UBE2H: variants seen among roughly 807,000 people sequenced by gnomAD.
The protein encoded by UBE2H is ubiquitin conjugating enzyme E2 H.
A neutral mutation model predicts 29.0 loss-of-function variants in UBE2H; 3 were observed. The observed-to-expected ratio is 0.10, with a 90% confidence interval of 0.05 to 0.27. UBE2H has a LOEUF of 0.27. UBE2H is among the 10% of genes least tolerant of loss of function. The pLI is 1.00. For missense variants in UBE2H, 68 were observed against 228.2 expected, an observed-to-expected ratio of 0.30 and a Z score of 4.52; for synonymous variants, 69 against 82.9, an observed-to-expected ratio of 0.83 and a Z score of 0.91.
intron 5 of UBE2H, among the ~76,000 whole-genome samples, chr7:129,854,293 A>G (rs1032158914): frequency 3.3e-5 from 5 of 152,218 alleles, no homozygotes; most frequent in Non-Finnish European, 7.4e-5. Context: ...ATATTCTACC[A>G]GTACTTTATA....
chr7:129,948,757 G>A (rs1807814719), intron 1 of UBE2H, among the ~76,000 whole-genome samples: 1 of 152,122 alleles, frequency 6.6e-6, no homozygotes, highest in African/African-American at 2.4e-5. Flanking sequence ...TTGTACATAT[G>A]GTGTATGCCG....
intron 1 of UBE2H, among the ~76,000 whole-genome samples, chr7:129,952,106 G>A (rs779041133): frequency 1.3e-5 from 2 of 152,066 alleles, no homozygotes; most frequent in Admixed American, 6.5e-5. Context: ...CTTCCCTCTC[G>A]GGAATTTCTG....
chr7:129,880,735 T>C (rs911194100), intron 2 of UBE2H, 160 bp downstream of exon 2: 10 of 631,838 alleles, frequency 1.6e-5, no homozygotes, highest in Non-Finnish European at 2.4e-5. Flanking sequence ...TGACTGTATA[T>C]AAAGTGATTG....
chr7:129,941,925 T>G (rs1342558761), intron 1 of UBE2H, among the ~76,000 whole-genome samples: 2 of 150,830 alleles, frequency 1.3e-5, no homozygotes, highest in Admixed American at 6.7e-5. Context: ...AAAAATTAAC[T>G]TAAGGCCAGG....
chr7:129,836,654 T>C (rs35268874), intron 6 of UBE2H, among the ~76,000 whole-genome samples: 17 of 151,288 alleles, frequency 1.1e-4, no homozygotes, highest in East Asian at 9.7e-4. Flanking sequence ...CCAAGGCGGG[T>C]ATATCACCTG....
At chr7:129,887,341 T>C (rs1040590910) in intron 1 of UBE2H, among the ~76,000 whole-genome samples, 9 of 151,050 alleles carry the variant, frequency 6.0e-5, no homozygotes, top group African/African-American at 1.7e-4. Context: ...CCTGCCTCAG[T>C]CTCCCGAGTA....
intron 1 of UBE2H, among the ~76,000 whole-genome samples, chr7:129,928,455 T>C (rs1481123011): frequency 2.0e-5 from 3 of 151,942 alleles, no homozygotes; most frequent in Admixed American, 2.0e-4. Flanking sequence ...ATACAAAAAT[T>C]AGCCGGGTGT....
intron 1 of UBE2H, among the ~76,000 whole-genome samples, chr7:129,928,271 T>G (rs1232003802): frequency 6.6e-6 from 1 of 150,642 alleles, no homozygotes; most frequent in African/African-American, 2.4e-5. Context: ...ACAGAGCAAG[T>G]CTCTGTCTCA....
chr7:129,951,340 TG>T, intron 1 of UBE2H: 1 of 151,858 alleles, frequency 6.6e-6, no homozygotes, highest in Non-Finnish European at 1.5e-5. Flanking sequence ...GGGGAAACGG[TG>T]GGGGGATGGG....
intron 6 of UBE2H, 77 bp from the exon 7 acceptor site, chr7:129,835,138 A>T: frequency 1.3e-6 from 2 of 1,599,014 alleles, no homozygotes; most frequent in South Asian, 2.2e-5. Flanking sequence ...AAAGCTGGCA[A>T]GGCTGCGGAG....
At chr7:129,915,265 G>A (rs117399535) in intron 1 of UBE2H, among the ~76,000 whole-genome samples, 9,391 of 152,162 alleles carry the variant, frequency 0.062, 361 homozygotes, top group Non-Finnish European at 0.091. Context: ...AGCCGGGCGC[G>A]GTGTCTCACA....
At chr7:129,910,547 A>G (rs1354030501) in intron 1 of UBE2H, among the ~76,000 whole-genome samples, 1 of 152,170 alleles carries the variant, frequency 6.6e-6, no homozygotes, top group Non-Finnish European at 1.5e-5. Flanking sequence ...GCTTTAAACC[A>G]TGGGTGCTAA....
In UBE2H at chr7:129,943,256, C is replaced by T. The variant is rs541507638; in HGVS notation, c.53+9247G>A. Among the ~76,000 whole-genome samples the T allele has an allele frequency of 3.3e-5, 5 of 152,254 alleles. No homozygotes were observed. The South Asian group carries it at 1.0e-3, about 32-fold the overall frequency. Reference sequence around the variant, plus strand: ...TGATCTTAACTCACCACAACCTCTGCCTCCTGGGCTTAAGTGATCCTTCTG... The same window carrying T: ...TGATCTTAACTCACCACAACCTCTGTCTCCTGGGCTTAAGTGATCCTTCTG... On this transcript the variant is annotated intron_variant, in intron 1 of 6. Coordinates refer to ENST00000355621, the MANE Select transcript of UBE2H (RefSeq NM_003344.4).
intron 1 of UBE2H, among the ~76,000 whole-genome samples, chr7:129,891,034 G>A (rs1482961279): frequency 6.6e-6 from 1 of 151,772 alleles, no homozygotes; most frequent in Non-Finnish European, 1.5e-5. Context: ...TACTTGGGAG[G>A]CTGAGGCAGG....
At chr7:129,901,602 G>C (rs1304872453) in intron 1 of UBE2H, among the ~76,000 whole-genome samples, 1 of 152,074 alleles carries the variant, frequency 6.6e-6, no homozygotes, top group Non-Finnish European at 1.5e-5. Flanking sequence ...CAATCTAGTA[G>C]ATGATGACAC....
chr7:129,854,183 C>A (rs139800298), intron 5 of UBE2H, among the ~76,000 whole-genome samples: 1 of 149,686 alleles, frequency 6.7e-6, no homozygotes, highest in Non-Finnish European at 1.5e-5. Context: ...TATGAACTAA[C>A]CTTCAATGCC....
intron 1 of UBE2H, among the ~76,000 whole-genome samples, chr7:129,895,252 G>C (rs1459471841): frequency 6.6e-6 from 1 of 152,096 alleles, no homozygotes; most frequent in Non-Finnish European, 1.5e-5. Flanking sequence ...CCTGTCACAT[G>C]GGGGCTATGG....
At chr7:129,857,479 A>T in intron 5 of UBE2H, 32 bp downstream of exon 5, 1 of 1,598,086 alleles carries the variant, frequency 6.3e-7, no homozygotes, top group South Asian at 1.1e-5. Context: ...ATGTCTCAAC[A>T]TCTCCAAAAA....
intron 6 of UBE2H, among the ~76,000 whole-genome samples, chr7:129,835,728 T>C (rs1805312977): frequency 6.6e-6 from 1 of 152,186 alleles, no homozygotes; most frequent in South Asian, 2.1e-4. Flanking sequence ...TAAGAACTGC[T>C]GAATAAACAA....
Sources: gnomAD v4.1 joint callset for allele counts (sites outside exome capture counted in the v4.1 genomes callset) on GRCh38, gnomAD v4.1.1 for gene constraint, MANE v1.5 for transcripts, NCBI Gene and HGNC (gene_info 2026-07-23, HGNC 2026-07-21) for gene names.